COLEC11: variants seen among roughly 807,000 people sequenced by gnomAD.
COLEC11 encodes collectin-11.
Under a neutral mutation model 27.3 loss-of-function variants are expected in COLEC11, and 20 were observed. That is an observed-to-expected ratio of 0.73 (90% CI 0.51 to 1.06). The LOEUF (loss-of-function observed/expected upper bound fraction) is 1.06. Among genes scored for constraint, COLEC11 ranks in the 50% least tolerant of loss-of-function variants. The pLI, the probability that COLEC11 is intolerant of heterozygous loss-of-function variation, is 0.00. For missense variants in COLEC11, 310 were observed against 383.0 expected, an observed-to-expected ratio of 0.81 and a Z score of 1.59; for synonymous variants, 163 against 154.7, an observed-to-expected ratio of 1.05 and a Z score of -0.40.
chr2:3,629,066 C>T (rs756526414), intron 3 of COLEC11, among the ~76,000 whole-genome samples: 3 of 152,140 alleles, frequency 2.0e-5, no homozygotes, highest in African/African-American at 4.8e-5. Context: ...TGGAGGTGCA[C>T]GAGGCCTTGG....
intron 6 of COLEC11, 26 bp downstream of exon 6, chr2:3,643,565 G>C (rs780664089): frequency 6.2e-7 from 1 of 1,605,638 alleles, no homozygotes; most frequent in African/African-American, 1.3e-5. Context: ...CGCCGCCCTC[G>C]CTCCCTCCCA....
At chr2:3,632,142 T>A (rs1665057973) in intron 3 of COLEC11, among the ~76,000 whole-genome samples, 1 of 152,200 alleles carries the variant, frequency 6.6e-6, no homozygotes, top group Non-Finnish European at 1.5e-5. Context: ...ACAGGGAAAC[T>A]GAGGCTTACA....
intron 1 of COLEC11, among the ~76,000 whole-genome samples, chr2:3,598,166 CCT>C (rs1661987533): frequency 6.6e-6 from 1 of 152,136 alleles, no homozygotes; most frequent in Admixed American, 6.6e-5. Flanking sequence ...GAACTCCTGA[CCT>C]CAGGTGATCC....
chr2:3,634,192 G>A (rs1227369988), intron 3 of COLEC11, among the ~76,000 whole-genome samples: 1 of 152,200 alleles, frequency 6.6e-6, no homozygotes, highest in African/African-American at 2.4e-5. Context: ...CAGTGTGGGT[G>A]GCTGTGTCCA....
At chr2:3,612,452 G>A (rs1393212100) in intron 2 of COLEC11, among the ~76,000 whole-genome samples, 3 of 152,180 alleles carry the variant, frequency 2.0e-5, no homozygotes, top group African/African-American at 7.2e-5. Context: ...GACAGGAGCC[G>A]GCTGACCAGG....
chr2:3,643,044 C>T (rs1665987315), intron 5 of COLEC11, among the ~76,000 whole-genome samples: 2 of 152,244 alleles, frequency 1.3e-5, no homozygotes, highest in African/African-American at 2.4e-5. Context: ...CTTCAGCTCC[C>T]CTCAGCCCTG....
intron 3 of COLEC11, among the ~76,000 whole-genome samples, chr2:3,635,955 C>G (rs1256016018): frequency 2.0e-5 from 3 of 152,236 alleles, no homozygotes; most frequent in Admixed American, 2.0e-4. Flanking sequence ...GTAAACCACT[C>G]TCTGCAGGGG....
intron 3 of COLEC11, chr2:3,617,579 G>C: frequency 6.2e-7 from 1 of 1,609,278 alleles, no homozygotes; most frequent in Non-Finnish European, 8.5e-7. Context: ...CTCCTGTTCA[G>C]TCGTTTCTTT....
At chr2:3,612,505 G>A (rs1249992806) in intron 2 of COLEC11, among the ~76,000 whole-genome samples, 4 of 152,108 alleles carry the variant, frequency 2.6e-5, no homozygotes, top group African/African-American at 7.2e-5. Flanking sequence ...ACCGGGGTCC[G>A]ATGTAGAGAC....
At chr2:3,623,244 T>A (rs1664301847) in intron 3 of COLEC11, among the ~76,000 whole-genome samples, 1 of 152,202 alleles carries the variant, frequency 6.6e-6, no homozygotes, top group Non-Finnish European at 1.5e-5. Flanking sequence ...TTATGGTAGT[T>A]TGATTATAAT....
At chr2:3,611,136 G>A (rs1280696798) in intron 2 of COLEC11, among the ~76,000 whole-genome samples, 3 of 152,212 alleles carry the variant, frequency 2.0e-5, no homozygotes, top group African/African-American at 4.8e-5. Context: ...TTCCGGAATT[G>A]CTGTCAGAGC....
At chr2:3,611,786 G>A (rs1392702643) in intron 2 of COLEC11, among the ~76,000 whole-genome samples, 2 of 151,942 alleles carry the variant, frequency 1.3e-5, no homozygotes, top group South Asian at 2.1e-4. Context: ...AGTCCCCTCC[G>A]TGAGGCCAGA....
chr2:3,600,099 G>A (rs1379804640), intron 1 of COLEC11, among the ~76,000 whole-genome samples: 1 of 152,068 alleles, frequency 6.6e-6, no homozygotes, highest in Non-Finnish European at 1.5e-5. Flanking sequence ...GCCAGGCGTG[G>A]TGGCGGGCAG....
intron 3 of COLEC11, among the ~76,000 whole-genome samples, chr2:3,620,422 T>G (rs938684336): frequency 1.3e-5 from 2 of 152,218 alleles, no homozygotes; most frequent in Non-Finnish European, 2.9e-5. Flanking sequence ...TTTCTGATTT[T>G]ATTTGAGTTA....
chr2:3,613,370 A>C lies in COLEC11; in HGVS notation c.190A>C (p.Thr64Pro). ...CGGACGGCCTGGAAGAGTCGGCCCC[A>C]CGGGAGAAAAAGGTACCTGCAGCCC... ...APGRPGRVGPTGEKGDMGDKG... is the reference protein window; with the variant it reads ...APGRPGRVGPPGEKGDMGDKG... Residue 64 changes from threonine to proline, a missense_variant, in exon 3 of 7, where the codon ACG (threonine) becomes CCG (proline). Physicochemically the swap from Thr to Pro is conservative, Grantham distance 38 (BLOSUM62 -1). Coordinates refer to ENST00000349077, the MANE Select transcript of COLEC11 (RefSeq NM_024027.5). 1 of 1,601,176 alleles carries C rather than the reference A, an allele frequency of 6.2e-7. No homozygotes were observed.
intron 2 of COLEC11, among the ~76,000 whole-genome samples, chr2:3,604,826 G>A (rs548573240): frequency 6.6e-6 from 1 of 152,144 alleles, no homozygotes; most frequent in Admixed American, 6.5e-5. Flanking sequence ...GAAATTTGAG[G>A]GTCAGAGAAA....
At chr2:3,622,215 C>T (rs1664236902) in intron 3 of COLEC11, among the ~76,000 whole-genome samples, 1 of 151,716 alleles carries the variant, frequency 6.6e-6, no homozygotes, top group Admixed American at 6.6e-5. Context: ...TGGTATGTGC[C>T]TGTAGTCTCG....
chr2:3,614,783 GA>G (rs1450280786), intron 3 of COLEC11, among the ~76,000 whole-genome samples: 8 of 151,846 alleles, frequency 5.3e-5, no homozygotes, highest in East Asian at 1.9e-4. Context: ...CAAAGTAAAC[GA>G]AAAAAAGTTT....
At chr2:3,598,392 C>T (rs777758837) in intron 1 of COLEC11, among the ~76,000 whole-genome samples, 9 of 152,224 alleles carry the variant, frequency 5.9e-5, no homozygotes, top group Admixed American at 1.3e-4. Context: ...GCTCTATTTG[C>T]GATGCAATTG....
Sources: gnomAD v4.1 joint callset for allele counts (sites outside exome capture counted in the v4.1 genomes callset) on GRCh38, gnomAD v4.1.1 for gene constraint, MANE v1.5 for transcripts, NCBI Gene and HGNC (gene_info 2026-07-23, HGNC 2026-07-21) for gene names.